The following DLGAP1 variants were observed in gnomAD, a reference collection of about 807,000 sequenced individuals.
DLGAP1 encodes disks large-associated protein 1.
A neutral mutation model predicts 90.8 loss-of-function variants in DLGAP1; 11 were observed. The observed-to-expected ratio is 0.12, with a 90% confidence interval of 0.08 to 0.20. DLGAP1 has a LOEUF of 0.20. Among genes scored for constraint, DLGAP1 ranks in the 10% least tolerant of loss-of-function variants. The probability of loss-of-function intolerance (pLI) is 1.00; values close to 1 mark genes in which losing one functional copy is unlikely to be tolerated. For synonymous variants in DLGAP1, 558 were observed against 540.7 expected, an observed-to-expected ratio of 1.03 and a Z score of -0.44; for missense variants, 1,050 against 1,333.8, an observed-to-expected ratio of 0.79 and a Z score of 3.31.
At chr18:3,755,259 T>C (rs1385359800) in intron 5 of DLGAP1, among the ~76,000 whole-genome samples, 5 of 151,546 alleles carry the variant, frequency 3.3e-5, no homozygotes, top group African/African-American at 9.7e-5. Flanking sequence ...AGAAAACAAA[T>C]AGCAAAATGG....
chr18:4,402,919 C>A (rs17364183), intron 1 of DLGAP1, among the ~76,000 whole-genome samples: 23,073 of 152,124 alleles, frequency 0.15, 2,007 homozygotes, highest in South Asian at 0.25. Flanking sequence ...TTATCTCCAA[C>A]AATATTGTAC....
intron 2 of DLGAP1, among the ~76,000 whole-genome samples, chr18:4,107,482 A>G (rs773530539): frequency 1.3e-5 from 2 of 152,184 alleles, no homozygotes; most frequent in Non-Finnish European, 2.9e-5. Context: ...AGAATGGATT[A>G]CAATGCCTTC....
At chr18:4,334,506 G>T (rs542072232) in intron 1 of DLGAP1, among the ~76,000 whole-genome samples, 1 of 151,910 alleles carries the variant, frequency 6.6e-6, no homozygotes, top group East Asian at 1.9e-4. Flanking sequence ...CCTAATGATG[G>T]CTGGAAGATT....
At position 3,879,999 on chromosome 18, in the gene DLGAP1, A is replaced by C. The variant is rs757621568; in HGVS notation, c.70T>G (p.Ser24Ala). 1 of 1,610,660 alleles carries C rather than the reference A, an allele frequency of 6.2e-7. No homozygotes were observed. The highest frequency in any genetic ancestry group is 1.1e-5 in the South Asian group (1 of 91,044). The change falls in exon 4 of 13, where the codon TCG becomes GCG. Residue 24 changes from serine (S) to alanine (A), a missense_variant. Ser to Ala is a moderately conservative substitution (Grantham distance 99). This residue lies in a region of DLGAP1 where 485 missense variants were observed against 454.1 expected (regional missense o/e 1.07). Transcript: ENST00000315677. This position sits in a 1 kb window ranked among gnomAD's most constrained non-coding sequence, Gnocchi z 6.6. ...VTCDSACDSL[S>A]HHSDRKPYLL... ...TAGGGCTTGCGGTCGGAGTGGTGCG[A>C]CAGCGAGTCACAGGCCGAGTCGCAG...
In DLGAP1 at chr18:3,879,382, G is replaced by T; in HGVS notation, c.687C>A (p.Asp229Glu). ...SGVMTMGRCP[D>E]RSASQYFLEA... is the part of the protein sequence containing the mutation. The stretch of plus-strand genomic sequence containing the variant: ...CCAGGAAGTACTGTGAGGCCGAGCG[G>T]TCGGGGCACCTGCCCATGGTCATCA... Residue 229 changes from aspartate (D) to glutamate (E), a missense_variant, in exon 4 of 13, where the codon GAC (aspartate) becomes GAA (glutamate). By Grantham distance (45) the Asp-to-Glu change is conservative. This residue lies in a region of DLGAP1 where 485 missense variants were observed against 454.1 expected (regional missense o/e 1.07). Coordinates refer to ENST00000315677, the MANE Select transcript of DLGAP1 (RefSeq NM_004746.4). This position sits in a 1 kb window ranked among gnomAD's most constrained non-coding sequence, Gnocchi z 6.6. 1 of 1,613,414 alleles carries T rather than the reference G, an allele frequency of 6.2e-7. No individual in the cohort carries two copies. Among genetic ancestry groups the T allele is most frequent in the Non-Finnish European group, 8.5e-7 (1 of 1,179,948 alleles).
chr18:4,411,817 C>T (rs1429538010), intron 1 of DLGAP1, among the ~76,000 whole-genome samples: 1 of 152,134 alleles, frequency 6.6e-6, no homozygotes, highest in Non-Finnish European at 1.5e-5. Context: ...CACCTAACAG[C>T]ATGATGGCTG....
At chr18:3,639,261 C>T (rs2058834802) in intron 7 of DLGAP1, among the ~76,000 whole-genome samples, 1 of 151,946 alleles carries the variant, frequency 6.6e-6, no homozygotes, top group Non-Finnish European at 1.5e-5. Context: ...GAGGCTGAGG[C>T]TGGAGAATGG....
intron 1 of DLGAP1, among the ~76,000 whole-genome samples, chr18:4,374,216 A>G (rs2081973241): frequency 6.6e-6 from 1 of 152,188 alleles, no homozygotes; most frequent in South Asian, 2.1e-4. Context: ...TGTCTAGAGG[A>G]CTATGGAACA....
chr18:4,404,822 G>A (rs79919805), intron 1 of DLGAP1, among the ~76,000 whole-genome samples: 2,026 of 152,252 alleles, frequency 0.013, 58 homozygotes, highest in African/African-American at 0.047. Context: ...CCACATGCTA[G>A]ACATGGGCTG....
intron 10 of DLGAP1, 122 bp downstream of exon 10, chr18:3,534,072 T>G (rs1171822641): frequency 4.5e-6 from 5 of 1,104,358 alleles, no homozygotes; most frequent in Non-Finnish European, 6.5e-6. Flanking sequence ...ATGTTCTGGT[T>G]TGGGGTGTGG....
rs186272020 is a variant in DLGAP1, at chr18:3,756,086, G to A, written c.1173-13574C>T. Among the ~76,000 whole-genome samples the A allele has an allele frequency of 2.2e-3, 331 of 151,592 alleles. 2 individuals carry two copies. Among genetic ancestry groups the A allele is most frequent in the African/African-American group, 7.5e-3 (311 of 41,274 alleles). Reference sequence around the variant, plus strand: ...TTTTTTTGAGGTGGAGTCTCACTCTGTCACCCAGACTGGAGTGCAATGGCA... The same window carrying A: ...TTTTTTTGAGGTGGAGTCTCACTCTATCACCCAGACTGGAGTGCAATGGCA... On this transcript the variant is annotated intron_variant, in intron 5 of 12. Coordinates refer to ENST00000315677, the MANE Select transcript of DLGAP1 (RefSeq NM_004746.4).
At chr18:4,385,009 G>A (rs1029007484) in intron 1 of DLGAP1, among the ~76,000 whole-genome samples, 2 of 151,882 alleles carry the variant, frequency 1.3e-5, no homozygotes, top group Non-Finnish European at 2.9e-5. Context: ...CCTCCCTAAT[G>A]CCTGCAACAG....
At chr18:3,719,376 GCA>G (rs1322722807) in intron 7 of DLGAP1, among the ~76,000 whole-genome samples, 290 of 151,786 alleles carry the variant, frequency 1.9e-3, no homozygotes, top group African/African-American at 6.0e-3. Flanking sequence ...ACCTGATACA[GCA>G]AAACCCTGTC....
chr18:3,522,928 C>G (rs1366530199), intron 10 of DLGAP1, among the ~76,000 whole-genome samples: 1 of 152,114 alleles, frequency 6.6e-6, no homozygotes. Flanking sequence ...CCACACAACT[C>G]CCAGAAGAAA....
At chr18:4,116,483 A>AT (rs1444900051) in intron 2 of DLGAP1, among the ~76,000 whole-genome samples, 1 of 152,042 alleles carries the variant, frequency 6.6e-6, no homozygotes, top group Admixed American at 6.5e-5. Context: ...TATTATGCAT[A>AT]AACTGGTACA....
At chr18:3,826,414 G>A (rs996082185) in intron 4 of DLGAP1, among the ~76,000 whole-genome samples, 3 of 152,194 alleles carry the variant, frequency 2.0e-5, no homozygotes, top group Non-Finnish European at 4.4e-5. Context: ...GGAGAGGTGG[G>A]TGGTGGGATA....
At chr18:3,891,310 A>G (rs555098969) in intron 3 of DLGAP1, among the ~76,000 whole-genome samples, 16 of 152,102 alleles carry the variant, frequency 1.1e-4, no homozygotes, top group African/African-American at 3.9e-4. Flanking sequence ...TTGCTCTATG[A>G]TCCTTCTACC....
At chr18:4,337,951 C>T (rs566634247) in intron 1 of DLGAP1, among the ~76,000 whole-genome samples, 15 of 152,168 alleles carry the variant, frequency 9.9e-5, no homozygotes, top group African/African-American at 1.4e-4. Flanking sequence ...ACTTCTGTTT[C>T]GCTTTTAAAA....
At chr18:3,724,407 A>G (rs1463521325) in intron 7 of DLGAP1, among the ~76,000 whole-genome samples, 1 of 152,198 alleles carries the variant, frequency 6.6e-6, no homozygotes, top group Non-Finnish European at 1.5e-5. Flanking sequence ...TTATTGCTAC[A>G]CAAAGCTTCT....
Sources: gnomAD v4.1 joint callset for allele counts (sites outside exome capture counted in the v4.1 genomes callset) on GRCh38, gnomAD v4.1.1 for gene constraint, gnomAD v4.1.1 regional missense constraint, Gnocchi (gnomAD v3.1) non-coding constraint, MANE v1.5 for transcripts, NCBI Gene and HGNC (gene_info 2026-07-23, HGNC 2026-07-21) for gene names.